Variants in MACROD2 observed in about 807,000 individuals in gnomAD.
MACROD2 encodes the protein mono-ADP ribosylhydrolase 2.
MACROD2 carries 36 observed loss-of-function variants against 70.4 expected under a neutral mutation model. The observed-to-expected ratio is 0.51, with a 90% CI of 0.39 to 0.68. The LOEUF (loss-of-function observed/expected upper bound fraction) is 0.68. Among genes scored for constraint, MACROD2 ranks in the 30% least tolerant of loss-of-function variants. The probability of loss-of-function intolerance (pLI) is 0.00; values close to 1 mark genes in which losing one functional copy is unlikely to be tolerated. For missense variants in MACROD2, 496 were observed against 538.4 expected, an observed-to-expected ratio of 0.92 and a Z score of 0.78; for synonymous variants, 172 against 178.8, an observed-to-expected ratio of 0.96 and a Z score of 0.30.
At chr20:15,484,129 T>C (rs2047135543) in intron 7 of MACROD2, among the ~76,000 whole-genome samples, 1 of 151,974 alleles carries the variant, frequency 6.6e-6, no homozygotes, top group Non-Finnish European at 1.5e-5. Context: ...TGTGATGCTG[T>C]TAAGTTCCTG....
At position 15,766,193 on chromosome 20, in the gene MACROD2, C is replaced by T. The variant is rs79963291; in HGVS notation, c.646-96552C>T. On this transcript the variant is annotated intron_variant, in intron 8 of 17. Transcript: ENST00000684519. ...TTTATTTCTTAGAAGCAAAGTTCTGCTCATCACAAGCCATCTCCATCAGAG... is the reference window on the plus strand; with the variant it reads ...TTTATTTCTTAGAAGCAAAGTTCTGTTCATCACAAGCCATCTCCATCAGAG... Among the ~76,000 whole-genome samples, 337 of 152,278 alleles carry T rather than the reference C, an allele frequency of 2.2e-3. 2 individuals carry two copies. Among genetic ancestry groups the T allele is most frequent in the African/African-American group, 7.8e-3 (326 of 41,558 alleles).
At chr20:14,836,372 T>G (rs7352992) in intron 5 of MACROD2, among the ~76,000 whole-genome samples, 75,155 of 151,726 alleles carry the variant, frequency 0.5, 19,008 homozygotes, top group Middle Eastern at 0.54. Flanking sequence ...TGCTCCAGTT[T>G]TATCCATCAC....
chr20:15,302,877 T>G (rs1160691624), intron 6 of MACROD2, among the ~76,000 whole-genome samples: 1 of 152,198 alleles, frequency 6.6e-6, no homozygotes, highest in East Asian at 1.9e-4. Context: ...CAAACGTTTA[T>G]TAGCCATATT....
rs114496219 is a variant in MACROD2 at position 15,105,013 on chromosome 20, C to T, written c.419-124927C>T. On this transcript the variant is annotated intron_variant, in intron 5 of 17. Transcript: ENST00000684519. ...ATAACATTTATTGATCTGCATGCAG[C>T]GTATTGGTAAAAGATGAATTGTCCA... 8.4e-4 allele frequency among the ~76,000 whole-genome samples: 128 copies of T among 152,148 alleles called. 1 individual carries two copies. The highest frequency in any genetic ancestry group is 2.6e-3 in the African/African-American group (110 of 41,510).
At chr20:15,312,487 C>T (rs551118254) in intron 6 of MACROD2, among the ~76,000 whole-genome samples, 3 of 152,094 alleles carry the variant, frequency 2.0e-5, no homozygotes, top group Non-Finnish European at 4.4e-5. Context: ...TTGTGATAGG[C>T]ACAGAATGGT....
intron 15 of MACROD2, among the ~76,000 whole-genome samples, chr20:16,029,036 G>A (rs2147575926): frequency 1.3e-5 from 2 of 152,252 alleles, no homozygotes; most frequent in Admixed American, 1.3e-4. Flanking sequence ...TGCTAATTTG[G>A]TTTCTGGTGA....
At chr20:15,241,879 A>C (rs1652744506) in intron 6 of MACROD2, among the ~76,000 whole-genome samples, 1 of 152,178 alleles carries the variant, frequency 6.6e-6, no homozygotes. Flanking sequence ...CAGAAGCATG[A>C]ATAAGGAATA....
At chr20:14,229,691 G>A (rs537319392) in intron 3 of MACROD2, among the ~76,000 whole-genome samples, 1 of 152,298 alleles carries the variant, frequency 6.6e-6, no homozygotes, top group Admixed American at 6.5e-5. Context: ...GTATGATCCA[G>A]CACACATGCT....
chr20:14,882,104 A>G (rs909666467), intron 5 of MACROD2, among the ~76,000 whole-genome samples: 2 of 152,224 alleles, frequency 1.3e-5, no homozygotes, highest in Non-Finnish European at 2.9e-5. Flanking sequence ...TAAGGAGTCA[A>G]GCTCAGGCAG....
At chr20:15,296,954 C>T (rs1409082982) in intron 6 of MACROD2, among the ~76,000 whole-genome samples, 2 of 152,154 alleles carry the variant, frequency 1.3e-5, no homozygotes, top group Admixed American at 6.5e-5. Flanking sequence ...AAGGTAGCCT[C>T]GGTTGGGGAG....
chr20:15,161,626 C>T (rs461666), intron 5 of MACROD2, among the ~76,000 whole-genome samples: 78,185 of 151,592 alleles, frequency 0.52, 20,255 homozygotes, highest in East Asian at 0.56. Flanking sequence ...CGATTTTCTT[C>T]TAAAAAACAC....
At position 15,642,067 on chromosome 20, in the gene MACROD2, T is replaced by C. The variant is rs1356176084; in HGVS notation, c.645+142220T>C. ...GAGACAGTTGAGAAAACCTATTTTC[T>C]TTCCTGTCTACTCAGTATTTGGGGA... is the stretch of plus-strand genomic sequence containing the variant. On this transcript the variant is annotated intron_variant, in intron 8 of 17. Coordinates refer to ENST00000684519, the MANE Select transcript of MACROD2 (RefSeq NM_001351661.2). Among the ~76,000 whole-genome samples, 3 of 152,212 alleles carry C rather than the reference T, an allele frequency of 2.0e-5. No homozygotes were observed. In the East Asian group the frequency reaches 5.8e-4, roughly 29 times the overall value.
chr20:15,600,265 C>T (rs1383840962), intron 8 of MACROD2, among the ~76,000 whole-genome samples: 1 of 152,014 alleles, frequency 6.6e-6, no homozygotes, highest in Non-Finnish European at 1.5e-5. Flanking sequence ...TTTCAGCACT[C>T]ATTCTACATT....
At chr20:14,837,206 A>G (rs907784904) in intron 5 of MACROD2, among the ~76,000 whole-genome samples, 6 of 152,004 alleles carry the variant, frequency 3.9e-5, no homozygotes, top group African/African-American at 7.2e-5. Context: ...AGACAAATCA[A>G]CATCTGACAT....
At chr20:15,881,754 G>C (rs1372661077) in intron 9 of MACROD2, among the ~76,000 whole-genome samples, 1 of 152,058 alleles carries the variant, frequency 6.6e-6, no homozygotes, top group African/African-American at 2.4e-5. Context: ...GTTTTGAGAA[G>C]GGCTATTATC....
At chr20:15,419,105 A>C (rs2046193892) in intron 6 of MACROD2, among the ~76,000 whole-genome samples, 1 of 152,172 alleles carries the variant, frequency 6.6e-6, no homozygotes, top group African/African-American at 2.4e-5. Flanking sequence ...CAGAAAACAC[A>C]ACAGGTGAAA....
chr20:14,013,392 C>A (rs2052941448), intron 2 of MACROD2, among the ~76,000 whole-genome samples: 1 of 151,600 alleles, frequency 6.6e-6, no homozygotes, highest in African/African-American at 2.4e-5. Flanking sequence ...CCTGCCTCAG[C>A]CTCCCGAGTA....
intron 8 of MACROD2, among the ~76,000 whole-genome samples, chr20:15,728,079 A>G (rs2050890291): frequency 6.6e-6 from 1 of 152,156 alleles, no homozygotes; most frequent in Non-Finnish European, 1.5e-5. Context: ...TGTTCCTTCA[A>G]TGCCCAGTTT....
At chr20:15,973,702 A>C (rs966134826) in intron 13 of MACROD2, among the ~76,000 whole-genome samples, 1 of 152,230 alleles carries the variant, frequency 6.6e-6, no homozygotes, top group African/African-American at 2.4e-5. Flanking sequence ...TAAACTCAAT[A>C]AAAAGGTAAA....
Sources: gnomAD v4.1 joint callset for allele counts (sites outside exome capture counted in the v4.1 genomes callset) on GRCh38, gnomAD v4.1.1 for gene constraint, MANE v1.5 for transcripts, NCBI Gene and HGNC (gene_info 2026-07-23, HGNC 2026-07-21) for gene names.